Variants in CASK observed in about 807,000 individuals in gnomAD.
CASK encodes the protein calcium/calmodulin dependent serine protein kinase.
In CASK, 4 loss-of-function variants were observed where a neutral mutation model predicts 82.9. The ratio of observed to expected loss-of-function variants is 0.05; its 90% CI spans 0.02 to 0.11. The LOEUF is 0.11. Ranked by LOEUF, CASK falls within the 10% of genes least tolerant of loss-of-function variation. CASK has a pLI of 1.00. For missense variants in CASK, 358 were observed against 720.9 expected (o/e 0.50, Z 5.76); for synonymous variants, 259 against 253.5 (o/e 1.02, Z -0.20).
chrX:41,596,876 A>G (rs909706580), intron 12 of CASK, among the ~76,000 whole-genome samples: 1 of 112,080 alleles, frequency 8.9e-6, no homozygotes, highest in African/African-American at 3.2e-5. Flanking sequence ...GTGTCGCCAC[A>G]GTTCCATAAA....
chrX:41,761,630 C>T (rs2069001377), intron 3 of CASK, among the ~76,000 whole-genome samples: 1 of 111,846 alleles, frequency 8.9e-6, no homozygotes, highest in South Asian at 3.7e-4. Context: ...TAGGTATTTG[C>T]TCAAGATTAA....
rs773703393 is a variant in CASK, at chrX:41,561,903, G to C, written c.1583-259C>G. The stretch of plus-strand genomic sequence containing the variant: ...TTTTCTGAGAGAGGTGGTATGTATA[G>C]TGGTTTAAAAGTATGGCTTCTGGAT... On this transcript the variant is annotated intron_variant, in intron 16 of 26. Coordinates refer to ENST00000378163, the MANE Select transcript of CASK (RefSeq NM_001367721.1). The C allele has an allele frequency of 2.3e-4, 63 of 268,960 alleles. 1 individual carries two copies. The South Asian group carries it at 5.1e-3, about 22-fold the overall frequency. 22.2% of individuals were successfully genotyped at this position (268,960 alleles called of 1,213,427 possible).
At chrX:41,590,621 A>C (rs1255279513) in intron 12 of CASK, among the ~76,000 whole-genome samples, 1 of 110,597 alleles carries the variant, frequency 9.0e-6, no homozygotes, top group Non-Finnish European at 1.9e-5. Flanking sequence ...TAATTATTTT[A>C]GAAATACAAT....
chrX:41,590,792 T>C (rs1294676822), intron 12 of CASK, among the ~76,000 whole-genome samples: 1 of 110,678 alleles, frequency 9.0e-6, no homozygotes, highest in African/African-American at 3.3e-5. Flanking sequence ...CTTTTTTTTT[T>C]CTTCACCTAC....
intron 5 of CASK, among the ~76,000 whole-genome samples, chrX:41,725,426 AG>A (rs1168161537): frequency 4.5e-5 from 5 of 111,580 alleles, no homozygotes; most frequent in African/African-American, 1.6e-4. Context: ...TGTATGGTAC[AG>A]TTTTTATGTT....
chrX:41,655,762 C>T (rs1019162701), intron 8 of CASK, among the ~76,000 whole-genome samples: 17 of 111,445 alleles, frequency 1.5e-4, no homozygotes, highest in African/African-American at 5.5e-4. Flanking sequence ...CAAGGTGAAT[C>T]GACAGCATCC....
intron 12 of CASK, among the ~76,000 whole-genome samples, chrX:41,600,839 T>C (rs2065883374): frequency 8.9e-6 from 1 of 111,971 alleles, no homozygotes; most frequent in Admixed American, 9.5e-5. Context: ...TACATAATTA[T>C]CAACCACAAA....
intron 5 of CASK, among the ~76,000 whole-genome samples, chrX:41,733,461 A>G (rs1402348983): frequency 9.0e-6 from 1 of 111,713 alleles, no homozygotes; most frequent in Non-Finnish European, 1.9e-5. Flanking sequence ...AATAATAAAG[A>G]ATAGTGGCTG....
intron 1 of CASK, among the ~76,000 whole-genome samples, chrX:41,880,467 C>G (rs1382502343): frequency 9.0e-6 from 1 of 111,727 alleles, no homozygotes; most frequent in Non-Finnish European, 1.9e-5. Context: ...ACATAGTTCT[C>G]AGTGCTCTAC....
chrX:41,866,245 G>A (rs768887473), intron 1 of CASK, among the ~76,000 whole-genome samples: 29 of 112,468 alleles, frequency 2.6e-4, no homozygotes, highest in South Asian at 1.5e-3. Flanking sequence ...AGTGCCCACC[G>A]GGACCCACTG....
intron 5 of CASK, chrX:41,696,600 G>A: frequency 8.3e-7 from 1 of 1,210,227 alleles, no homozygotes; most frequent in Non-Finnish European, 1.1e-6. Context: ...TAGTTGCTTA[G>A]ATCCAGTCAT....
chrX:41,589,712 A>G (rs1370658437), intron 12 of CASK, 120 bp from the exon 13 acceptor site: 1 of 521,480 alleles, frequency 1.9e-6, no homozygotes, highest in Non-Finnish European at 3.4e-6. Flanking sequence ...TGATGATTTC[A>G]GTGGGATCCT....
Position 41,804,919 on chromosome X carries a change from T to C in CASK, c.173-17636A>G, listed in dbSNP as rs140283987. On this transcript the variant is annotated intron_variant, in intron 2 of 26. Transcript: ENST00000378163. ...CTTAAGCATTACCTAATGGTGGTAATACTCATTCAGGTCTGGGATACTCTA... is the reference window on the plus strand; with the variant it reads ...CTTAAGCATTACCTAATGGTGGTAACACTCATTCAGGTCTGGGATACTCTA... Among the ~76,000 whole-genome samples, 538 of 112,094 alleles carry C rather than the reference T, an allele frequency of 4.8e-3. 5 individuals are homozygous for C. Among genetic ancestry groups the C allele is most frequent in the Middle Eastern group, 9.2e-3 (2 of 217 alleles).
chrX:41,788,082 G>A (rs977857101), intron 2 of CASK, among the ~76,000 whole-genome samples: 2 of 106,389 alleles, frequency 1.9e-5, no homozygotes, highest in Admixed American at 1.0e-4. Context: ...ACTTGAACTC[G>A]GGAGGCAGAA....
chrX:41,839,302 T>C (rs2070988395), intron 2 of CASK, among the ~76,000 whole-genome samples: 1 of 111,533 alleles, frequency 9.0e-6, no homozygotes, highest in South Asian at 3.7e-4. Context: ...CTTCATTTAT[T>C]TAGATCTTTA....
intron 21 of CASK, among the ~76,000 whole-genome samples, chrX:41,543,468 T>C (rs1234221106): frequency 8.9e-6 from 1 of 111,997 alleles, no homozygotes; most frequent in Non-Finnish European, 1.9e-5. Flanking sequence ...GCTTAACAAA[T>C]GGCACTACTG....
Position 41,565,888 on chromosome X carries a change from C to T in CASK, c.1582+3780G>A, listed in dbSNP as rs1054165882. 5.4e-5 allele frequency among the ~76,000 whole-genome samples: 6 copies of T among 111,633 alleles called. No homozygotes were observed. In the South Asian group the frequency reaches 1.1e-3, roughly 21 times the overall value. On this transcript the variant is annotated intron_variant, in intron 16 of 26. Transcript: ENST00000378163. Reference sequence around the variant, plus strand: ...AGCTCATCAAAAAACTTATCCAACACGATCAAGTCAGCTTCATCCCTGGGA... The same window carrying T: ...AGCTCATCAAAAAACTTATCCAACATGATCAAGTCAGCTTCATCCCTGGGA...
intron 1 of CASK, among the ~76,000 whole-genome samples, chrX:41,876,367 C>T (rs764143120): frequency 3.6e-5 from 4 of 111,265 alleles, no homozygotes; most frequent in South Asian, 3.7e-4. Flanking sequence ...AGTGAGAATC[C>T]GGGTCCTAAA....
At chrX:41,652,584 A>G (rs1205418399) in intron 8 of CASK, among the ~76,000 whole-genome samples, 1 of 110,506 alleles carries the variant, frequency 9.0e-6, no homozygotes, top group Non-Finnish European at 1.9e-5. Flanking sequence ...TTTTGGCCCC[A>G]CCCCCAACCT....
Sources: gnomAD v4.1 joint callset for allele counts (sites outside exome capture counted in the v4.1 genomes callset) on GRCh38, gnomAD v4.1.1 for gene constraint, MANE v1.5 for transcripts, NCBI Gene and HGNC (gene_info 2026-07-23, HGNC 2026-07-21) for gene names.